GLP2R: variants seen among roughly 807,000 people sequenced by gnomAD.
GLP2R encodes the protein glucagon like peptide 2 receptor.
GLP2R carries 59 observed loss-of-function variants against 68.2 expected under a neutral mutation model. The observed-to-expected ratio is 0.87, with a 90% CI of 0.70 to 1.07. GLP2R has a LOEUF of 1.07. Ranked by LOEUF, GLP2R falls within the 50% of genes least tolerant of loss-of-function variation. The pLI, the probability that GLP2R is intolerant of heterozygous loss-of-function variation, is 0.00. For missense variants in GLP2R, 548 were observed against 677.4 expected (o/e 0.81, Z 2.12); for synonymous variants, 270 against 265.4 (o/e 1.02, Z -0.17).
intron 10 of GLP2R, among the ~76,000 whole-genome samples, chr17:9,878,714 C>T (rs925725891): frequency 2.0e-5 from 3 of 152,162 alleles, no homozygotes; most frequent in East Asian, 1.9e-4. Flanking sequence ...TTTGGGGGCA[C>T]AAAGGTGAGG....
intron 1 of GLP2R, among the ~76,000 whole-genome samples, 194 bp downstream of exon 1, chr17:9,826,446 A>G (rs2066631120): frequency 6.6e-6 from 1 of 152,082 alleles, no homozygotes; most frequent in African/African-American, 2.4e-5. Flanking sequence ...CCTTTTCTCT[A>G]TGCATTTGTT....
At chr17:9,849,136 T>A (rs2066868696) in intron 4 of GLP2R, among the ~76,000 whole-genome samples, 1 of 151,742 alleles carries the variant, frequency 6.6e-6, no homozygotes, top group Non-Finnish European at 1.5e-5. Context: ...CCATTGATTA[T>A]ATATGATTTT....
intron 4 of GLP2R, among the ~76,000 whole-genome samples, chr17:9,852,056 T>C (rs1015757584): frequency 8.3e-6 from 1 of 119,834 alleles, no homozygotes; most frequent in East Asian, 2.1e-4. Flanking sequence ...TTGTTTTTTT[T>C]TTTGTTTTTT....
chr17:9,870,106 C>T (rs1410914777), intron 9 of GLP2R, among the ~76,000 whole-genome samples: 2 of 152,096 alleles, frequency 1.3e-5, no homozygotes, highest in African/African-American at 2.4e-5. Flanking sequence ...AGAAGAGAGG[C>T]AGAATAGCGT....
At chr17:9,846,941 C>T (rs138978449) in intron 4 of GLP2R, among the ~76,000 whole-genome samples, 3 of 152,278 alleles carry the variant, frequency 2.0e-5, no homozygotes, top group East Asian at 1.9e-4. Flanking sequence ...GTTGTCAATA[C>T]CAGTGGTGTA....
intron 3 of GLP2R, 156 bp from the exon 4 acceptor site, chr17:9,842,339 T>C: frequency 1.2e-6 from 1 of 840,150 alleles, no homozygotes; most frequent in Non-Finnish European, 1.8e-6. Flanking sequence ...TTCCATGTTT[T>C]CCTTTCCATC....
chr17:9,871,850 G>A (rs900127629), intron 10 of GLP2R, among the ~76,000 whole-genome samples: 1 of 150,248 alleles, frequency 6.7e-6, no homozygotes, highest in Non-Finnish European at 1.5e-5. Context: ...TCAGCCTCCT[G>A]AGTAGCTGGG....
chr17:9,835,829 T>A (rs2066724252), intron 2 of GLP2R, among the ~76,000 whole-genome samples: 4 of 151,754 alleles, frequency 2.6e-5, no homozygotes, highest in Admixed American at 1.3e-4. Flanking sequence ...TAACTTGAAG[T>A]CAGGAGTTCG....
chr17:9,862,715 CA>C, intron 9 of GLP2R, among the ~76,000 whole-genome samples: 1 of 152,262 alleles, frequency 6.6e-6, no homozygotes, highest in East Asian at 1.9e-4. Flanking sequence ...AGAAAGTTAG[CA>C]AACACTGGGA....
chr17:9,888,886 G>T (rs2067265989), intron 12 of GLP2R, among the ~76,000 whole-genome samples: 1 of 152,150 alleles, frequency 6.6e-6, no homozygotes, highest in Non-Finnish European at 1.5e-5. Context: ...CTGTCTTTAG[G>T]AGTTGGTAGA....
In GLP2R at chr17:9,842,564, A is replaced by T; in HGVS notation, c.452A>T (p.Asp151Val). 6.2e-7 allele frequency: 1 copy of T among 1,614,070 alleles called. No individual in the cohort carries two copies. Among genetic ancestry groups the T allele is most frequent in the Non-Finnish European group, 8.5e-7 (1 of 1,180,002 alleles). ...TGGCAGACGATAGAGAACGCCACGG[A>T]TATTTGGCAGGATGACTCCGAATGC... ...GTWQTIENAT[D>V]IWQDDSECSE... Residue 151 changes from aspartate (D) to valine (V), a missense_variant, in exon 4 of 13, where the codon GAT (aspartate) becomes GTT (valine). By Grantham distance (152) the Asp-to-Val change is radical. Transcript: ENST00000262441.
At chr17:9,862,940 G>A (rs1479878734) in intron 9 of GLP2R, among the ~76,000 whole-genome samples, 1 of 152,284 alleles carries the variant, frequency 6.6e-6, no homozygotes, top group South Asian at 2.1e-4. Context: ...TTATAGGGGA[G>A]TTTCAATATT....
At chr17:9,857,387 T>C (rs763924736) in intron 5 of GLP2R, 36 bp from the exon 6 acceptor site, 6 of 1,609,474 alleles carry the variant, frequency 3.7e-6, no homozygotes, top group South Asian at 1.1e-5. Context: ...AGCCATTCTT[T>C]CCTGAGGGAA....
chr17:9,831,388 C>T (rs2066678192), intron 1 of GLP2R, among the ~76,000 whole-genome samples: 1 of 152,112 alleles, frequency 6.6e-6, no homozygotes, highest in Non-Finnish European at 1.5e-5. Flanking sequence ...CCTCTCAGTC[C>T]TCAAGGAGCT....
intron 10 of GLP2R, among the ~76,000 whole-genome samples, chr17:9,876,650 G>T (rs909621912): frequency 1.3e-5 from 2 of 152,184 alleles, no homozygotes; most frequent in Non-Finnish European, 2.9e-5. Context: ...TGTTTCAGGG[G>T]AGAAGGGCGG....
At chr17:9,876,103 C>T (rs2067140237) in intron 10 of GLP2R, among the ~76,000 whole-genome samples, 1 of 152,142 alleles carries the variant, frequency 6.6e-6, no homozygotes, top group Admixed American at 6.5e-5. Flanking sequence ...TCTCCAACTC[C>T]CAACCTCGGG....
chr17:9,832,595 G>A (rs1227592047), intron 1 of GLP2R, among the ~76,000 whole-genome samples: 2 of 152,046 alleles, frequency 1.3e-5, no homozygotes, highest in African/African-American at 4.8e-5. Context: ...GCCGAGCATG[G>A]GGGCATGTGC....
intron 10 of GLP2R, among the ~76,000 whole-genome samples, chr17:9,879,553 G>A (rs915924128): frequency 6.6e-6 from 1 of 152,016 alleles, no homozygotes; most frequent in Admixed American, 6.6e-5. Context: ...TCAGGGAGTT[G>A]ATACTGAGGC....
intron 4 of GLP2R, among the ~76,000 whole-genome samples, chr17:9,852,548 C>T (rs923906043): frequency 6.6e-6 from 1 of 152,014 alleles, no homozygotes; most frequent in East Asian, 1.9e-4. Context: ...AAAAAAACCT[C>T]AGCAAATTAA....
Sources: allele counts gnomAD v4.1 joint callset (sites outside exome capture counted in the v4.1 genomes callset), GRCh38; gene constraint gnomAD v4.1.1; transcripts MANE v1.5; gene names NCBI Gene and HGNC (gene_info 2026-07-23, HGNC 2026-07-21).